LRP1B: variants seen among roughly 807,000 people sequenced by gnomAD.
LRP1B encodes low-density lipoprotein receptor-related protein 1B.
Under a neutral mutation model 556.6 loss-of-function variants are expected in LRP1B, and 217 were observed. That is an observed-to-expected ratio of 0.39 (90% CI 0.35 to 0.44). The LOEUF (loss-of-function observed/expected upper bound fraction) is 0.44. Ranked by LOEUF, LRP1B falls within the 20% of genes least tolerant of loss-of-function variation. LRP1B has a pLI of 1.00. For missense variants in LRP1B, 5,053 were observed against 5,620.8 expected (o/e 0.90, Z 3.23); for synonymous variants, 2,047 against 1,865.8 (o/e 1.10, Z -2.50).
chr2:141,671,720 C>T (rs987240778), intron 2 of LRP1B, among the ~76,000 whole-genome samples: 1 of 152,026 alleles, frequency 6.6e-6, no homozygotes, highest in African/African-American at 2.4e-5. Context: ...ATTTTGTGAA[C>T]CTATCATCTA....
At chr2:141,543,216 A>T (rs1237848214) in intron 2 of LRP1B, among the ~76,000 whole-genome samples, 1 of 152,018 alleles carries the variant, frequency 6.6e-6, no homozygotes, top group Non-Finnish European at 1.5e-5. Flanking sequence ...GAACATTTAA[A>T]TATTATACAA....
At chr2:141,803,588 C>A (rs1015510545) in intron 2 of LRP1B, among the ~76,000 whole-genome samples, 1 of 152,090 alleles carries the variant, frequency 6.6e-6, no homozygotes, top group Non-Finnish European at 1.5e-5. Flanking sequence ...TTCTACCTAA[C>A]GAAAAGCTTA....
At chr2:140,837,060 A>T (rs1691930717) in intron 31 of LRP1B, among the ~76,000 whole-genome samples, 1 of 152,218 alleles carries the variant, frequency 6.6e-6, no homozygotes. Flanking sequence ...GAGTCTTAAT[A>T]CTACAATCAT....
At chr2:141,885,057 T>C (rs1699067353) in intron 1 of LRP1B, among the ~76,000 whole-genome samples, 1 of 152,248 alleles carries the variant, frequency 6.6e-6, no homozygotes, top group African/African-American at 2.4e-5. Context: ...CAAATTGTTA[T>C]GTGCTTATGA....
At chr2:141,997,989 A>C (rs952405330) in intron 1 of LRP1B, among the ~76,000 whole-genome samples, 3 of 152,132 alleles carry the variant, frequency 2.0e-5, no homozygotes, top group African/African-American at 7.2e-5. Context: ...TGAATAAAAT[A>C]GTTATTACTA....
At chr2:141,387,131 A>G (rs1223847851) in intron 3 of LRP1B, among the ~76,000 whole-genome samples, 1 of 152,054 alleles carries the variant, frequency 6.6e-6, no homozygotes, top group Non-Finnish European at 1.5e-5. Flanking sequence ...AAGGGAAATT[A>G]GAAAATACCT....
chr2:140,289,805 A>G (rs1194984055), intron 84 of LRP1B, among the ~76,000 whole-genome samples: 2 of 151,996 alleles, frequency 1.3e-5, no homozygotes, highest in African/African-American at 4.8e-5. Context: ...ACTAGAAAAT[A>G]TATGTATCTA....
chr2:142,129,421 A>C (rs56342849), intron 1 of LRP1B, among the ~76,000 whole-genome samples: 7,038 of 152,328 alleles, frequency 0.046, 286 homozygotes, highest in South Asian at 0.2. Context: ...TGCCAACAGC[A>C]GGTTGAATAG....
At chr2:140,252,687 C>A (rs766692874) in intron 86 of LRP1B, among the ~76,000 whole-genome samples, 37 of 151,806 alleles carry the variant, frequency 2.4e-4, no homozygotes, top group Non-Finnish European at 4.4e-4. Context: ...CAATTTTTTT[C>A]CGTTGTAAAA....
chr2:140,476,520 A>T (rs1687980931), intron 59 of LRP1B, among the ~76,000 whole-genome samples: 1 of 152,018 alleles, frequency 6.6e-6, no homozygotes, highest in Non-Finnish European at 1.5e-5. Context: ...TTTTAACCAC[A>T]TACTAAAAAG....
rs2105426334 is a variant in LRP1B at position 140,701,809 on chromosome 2, C to T, written c.6339G>A (p.Lys2113=). The change falls in exon 40 of 91, where the codon AAG becomes AAA. Residue 2113 remains lysine, a synonymous_variant. Coordinates refer to ENST00000389484, the MANE Select transcript of LRP1B (RefSeq NM_018557.3). ...HANGSVRRGH[K]NDATETITMR... ...TGGTTATCGTTTCTGTGGCATCATT[C>T]TTGTGGCCCCTTCTGACAGACCCGT... 6.2e-7 allele frequency: 1 copy of T among 1,613,172 alleles called. No individual in the cohort carries two copies. Among genetic ancestry groups the T allele is most frequent in the Non-Finnish European group, 8.5e-7 (1 of 1,179,398 alleles).
intron 6 of LRP1B, among the ~76,000 whole-genome samples, chr2:141,200,881 T>C (rs184522381): frequency 6.6e-6 from 1 of 152,298 alleles, no homozygotes; most frequent in East Asian, 1.9e-4. Flanking sequence ...ATACTTGTAT[T>C]TTTGCAATAG....
chr2:141,076,189 A>C (rs1344945229), intron 7 of LRP1B, among the ~76,000 whole-genome samples: 1 of 152,186 alleles, frequency 6.6e-6, no homozygotes, highest in Non-Finnish European at 1.5e-5. Flanking sequence ...TTAAGACTAA[A>C]AAGGCCAAAT....
intron 7 of LRP1B, among the ~76,000 whole-genome samples, chr2:141,121,740 G>GA (rs1491393044): frequency 2.6e-5 from 4 of 151,682 alleles, no homozygotes; most frequent in East Asian, 2.0e-4. Flanking sequence ...ACAGAATTGG[G>GA]AAAAAAACTA....
At chr2:141,357,145 TC>T (rs1472234349) in intron 3 of LRP1B, among the ~76,000 whole-genome samples, 7 of 152,184 alleles carry the variant, frequency 4.6e-5, no homozygotes, top group Admixed American at 3.3e-4. Context: ...AACCTCCACC[TC>T]CCGGGTTCAA....
intron 60 of LRP1B, among the ~76,000 whole-genome samples, chr2:140,474,509 A>C (rs1417857932): frequency 6.6e-6 from 1 of 151,948 alleles, no homozygotes; most frequent in African/African-American, 2.4e-5. Flanking sequence ...AAGATCAATA[A>C]AAATTCATTT....
chr2:140,784,065 G>A (rs1689799135), intron 32 of LRP1B, among the ~76,000 whole-genome samples: 1 of 152,160 alleles, frequency 6.6e-6, no homozygotes, highest in African/African-American at 2.4e-5. Context: ...GTCTTCACCT[G>A]AGACAAACAT....
chr2:140,528,464 A>G (rs1482539608), intron 47 of LRP1B, among the ~76,000 whole-genome samples: 1 of 151,984 alleles, frequency 6.6e-6, no homozygotes. Context: ...AGGACAGAAC[A>G]AAGAGTAGAA....
chr2:141,527,249 A>G (rs966210820), intron 2 of LRP1B, among the ~76,000 whole-genome samples: 5 of 152,116 alleles, frequency 3.3e-5, no homozygotes, highest in African/African-American at 1.2e-4. Context: ...TGTTAAAAAT[A>G]CCAACATAAT....
Sources: allele counts gnomAD v4.1 joint callset (sites outside exome capture counted in the v4.1 genomes callset), GRCh38; gene constraint gnomAD v4.1.1; transcripts MANE v1.5; gene names NCBI Gene and HGNC (gene_info 2026-07-23, HGNC 2026-07-21).